Variants in NOL4 observed in about 807,000 individuals in gnomAD.
NOL4 encodes nucleolar protein 4.
NOL4 carries 17 observed loss-of-function variants against 75.9 expected under a neutral mutation model. That is an observed-to-expected ratio of 0.22 (90% CI 0.15 to 0.34). The LOEUF (loss-of-function observed/expected upper bound fraction) is 0.34. Among genes scored for constraint, NOL4 ranks in the 10% least tolerant of loss-of-function variants. The probability of loss-of-function intolerance (pLI) is 1.00; values close to 1 mark genes in which losing one functional copy is unlikely to be tolerated. For missense variants in NOL4, 614 were observed against 793.5 expected (o/e 0.77, Z 2.72); for synonymous variants, 292 against 289.9 (o/e 1.01, Z -0.07).
At chr18:34,194,995 G>A (rs886083721) in intron 1 of NOL4, among the ~76,000 whole-genome samples, 1 of 150,278 alleles carries the variant, frequency 6.7e-6, no homozygotes, top group African/African-American at 2.4e-5. Context: ...TTGCACTCCA[G>A]CCTGGGCAAC....
intron 9 of NOL4, among the ~76,000 whole-genome samples, chr18:33,932,146 A>C (rs921441937): frequency 6.6e-6 from 1 of 152,056 alleles, no homozygotes; most frequent in Admixed American, 6.6e-5. Context: ...ACATTTCCAC[A>C]TTGAAATACA....
intron 6 of NOL4, among the ~76,000 whole-genome samples, chr18:33,963,037 C>T (rs887604778): frequency 6.6e-6 from 1 of 152,140 alleles, no homozygotes; most frequent in Non-Finnish European, 1.5e-5. Context: ...ATTATCATTT[C>T]TTGCCTCTCT....
intron 1 of NOL4, among the ~76,000 whole-genome samples, chr18:34,202,785 T>C (rs2035827224): frequency 6.6e-6 from 1 of 152,160 alleles, no homozygotes; most frequent in Non-Finnish European, 1.5e-5. Flanking sequence ...TAAATTGTTA[T>C]TACCATTACA....
At chr18:34,150,052 C>A (rs1205902449) in intron 1 of NOL4, among the ~76,000 whole-genome samples, 1 of 151,498 alleles carries the variant, frequency 6.6e-6, no homozygotes, top group Non-Finnish European at 1.5e-5. Flanking sequence ...TTACATTTCC[C>A]TGGGCCTTGG....
intron 5 of NOL4, among the ~76,000 whole-genome samples, chr18:34,035,106 T>G (rs2075825770): frequency 6.6e-6 from 1 of 152,062 alleles, no homozygotes; most frequent in Admixed American, 6.6e-5. Flanking sequence ...TTAGACCAAA[T>G]AAACCTAACA....
chr18:34,125,650 A>G (rs12605566), intron 2 of NOL4, among the ~76,000 whole-genome samples: 76,639 of 151,912 alleles, frequency 0.5, 19,393 homozygotes, highest in Admixed American at 0.57. Flanking sequence ...TATTTTCTTT[A>G]TTAATGTTCG....
intron 1 of NOL4, among the ~76,000 whole-genome samples, chr18:34,192,659 T>C (rs2035006853): frequency 1.3e-5 from 2 of 152,176 alleles, no homozygotes; most frequent in Admixed American, 1.3e-4. Context: ...GATATCCTCA[T>C]GGAGAAGAAT....
At chr18:34,029,743 T>C (rs2075540396) in intron 5 of NOL4, among the ~76,000 whole-genome samples, 2 of 152,210 alleles carry the variant, frequency 1.3e-5, no homozygotes, top group African/African-American at 4.8e-5. Flanking sequence ...GTATCTCTAG[T>C]TTTCTGATAA....
At chr18:34,003,728 CTGTT>C (rs1274339419) in intron 6 of NOL4, among the ~76,000 whole-genome samples, 2 of 152,052 alleles carry the variant, frequency 1.3e-5, no homozygotes, top group East Asian at 1.9e-4. Context: ...TTCAGCAAGA[CTGTT>C]TGGTTATCAT....
At chr18:33,948,497 T>C (rs1250864056) in intron 8 of NOL4, among the ~76,000 whole-genome samples, 1 of 152,008 alleles carries the variant, frequency 6.6e-6, no homozygotes, top group Non-Finnish European at 1.5e-5. Context: ...GGAATAGAGA[T>C]AGTCTGCAAC....
At chr18:33,859,780 A>G (rs2063010267) in intron 10 of NOL4, among the ~76,000 whole-genome samples, 1 of 152,000 alleles carries the variant, frequency 6.6e-6, no homozygotes, top group Admixed American at 6.6e-5. Context: ...TTAGCCCGGC[A>G]TGGTGGTGGG....
intron 5 of NOL4, among the ~76,000 whole-genome samples, chr18:34,072,195 A>C (rs1160597654): frequency 1.3e-5 from 2 of 152,198 alleles, no homozygotes; most frequent in African/African-American, 4.8e-5. Context: ...ATTGCACTCC[A>C]GCCTAGGTGA....
chr18:34,184,469 C>T (rs2034302068), intron 1 of NOL4, among the ~76,000 whole-genome samples: 2 of 151,902 alleles, frequency 1.3e-5, no homozygotes, highest in Non-Finnish European at 2.9e-5. Context: ...TGACATTCTT[C>T]CACAACATTA....
At chr18:34,091,120 C>T (rs952852678) in intron 5 of NOL4, among the ~76,000 whole-genome samples, 7 of 150,026 alleles carry the variant, frequency 4.7e-5, no homozygotes, top group Non-Finnish European at 4.4e-5. Context: ...GAGGCTGAGA[C>T]GGGCAGATAA....
At chr18:33,999,143 GTT>G (rs543045505) in intron 6 of NOL4, among the ~76,000 whole-genome samples, 7 of 133,560 alleles carry the variant, frequency 5.2e-5, no homozygotes, top group Admixed American at 7.6e-5. Flanking sequence ...ATAATGCTGA[GTT>G]TTTTTTTTTT....
intron 1 of NOL4, among the ~76,000 whole-genome samples, chr18:34,170,923 A>G (rs1311952513): frequency 6.6e-6 from 1 of 152,226 alleles, no homozygotes. Context: ...ATTTATGCAC[A>G]GTTCTACCAG....
intron 1 of NOL4, among the ~76,000 whole-genome samples, chr18:34,164,165 T>C (rs1170725500): frequency 4.6e-5 from 7 of 151,940 alleles, no homozygotes; most frequent in Admixed American, 6.6e-5. Flanking sequence ...CATTACCATT[T>C]AGGACATAGG....
intron 9 of NOL4, among the ~76,000 whole-genome samples, chr18:33,927,446 G>C (rs954608797): frequency 6.6e-6 from 1 of 152,118 alleles, no homozygotes; most frequent in South Asian, 2.1e-4. Context: ...TTTCCTCACT[G>C]TATCTCCTTA....
chr18:34,018,623 A>G (rs1294477850), intron 6 of NOL4, among the ~76,000 whole-genome samples: 1 of 152,136 alleles, frequency 6.6e-6, no homozygotes, highest in Non-Finnish European at 1.5e-5. Context: ...CAAAGTCACC[A>G]GCATGTGTTA....
Sources: gnomAD v4.1 joint callset for allele counts (sites outside exome capture counted in the v4.1 genomes callset) on GRCh38, gnomAD v4.1.1 for gene constraint, MANE v1.5 for transcripts, NCBI Gene and HGNC (gene_info 2026-07-23, HGNC 2026-07-21) for gene names.